The following MACF1 variants were observed in gnomAD, a reference collection of about 807,000 sequenced individuals.
MACF1 encodes microtubule-actin cross-linking factor 1.
In MACF1, 193 loss-of-function variants were observed where a neutral mutation model predicts 854.8. The observed-to-expected ratio is 0.23, with a 90% CI of 0.20 to 0.25. The LOEUF (loss-of-function observed/expected upper bound fraction) is 0.25. Among genes scored for constraint, MACF1 ranks in the 10% least tolerant of loss-of-function variants. MACF1 has a pLI of 1.00. For missense variants in MACF1, 7,722 were observed against 8,929.1 expected (o/e 0.86, Z 5.45); for synonymous variants, 3,185 against 3,226.7 (o/e 0.99, Z 0.44).
chr1:39,466,675 G>A (rs891697526), intron 95 of MACF1, among the ~76,000 whole-genome samples: 1 of 152,156 alleles, frequency 6.6e-6, no homozygotes, highest in African/African-American at 2.4e-5. Flanking sequence ...ATTTTCACTT[G>A]TGGGGCCCAG....
rs1234745241 is a variant in MACF1 at position 39,347,050 on chromosome 1, C to T, written c.10655C>T (p.Ser3552Leu). The change falls in exon 41 of 101, where the codon TCA becomes TTA. Residue 3552 changes from serine (S) to leucine (L), a missense_variant. Transcript: ENST00000564288. ...GCTTTTGATATTCAGTTCTTTATCT[C>T]AGAACATGCCCAGGACTTGTCCCCT... ...ALAFDIQFFI[S>L]EHAQDLSPQQ... 6.2e-7 allele frequency: 1 copy of T among 1,614,120 alleles called. No individual in the cohort carries two copies. Among genetic ancestry groups the T allele is most frequent in the Non-Finnish European group, 8.5e-7 (1 of 1,179,980 alleles).
intron 63 of MACF1, among the ~76,000 whole-genome samples, chr1:39,428,725 C>G (rs958260107): frequency 1.3e-5 from 2 of 152,166 alleles, no homozygotes; most frequent in Admixed American, 1.3e-4. Context: ...TCTGTGTCAT[C>G]TTAATAGAAG....
intron 2 of MACF1, among the ~76,000 whole-genome samples, chr1:39,141,577 T>C (rs893472625): frequency 8.5e-5 from 13 of 152,210 alleles, no homozygotes; most frequent in African/African-American, 3.1e-4. Context: ...CTGACGGAGA[T>C]TGAATGAAAT....
At chr1:39,393,342 C>T (rs1254660663) in intron 58 of MACF1, among the ~76,000 whole-genome samples, 3 of 151,538 alleles carry the variant, frequency 2.0e-5, no homozygotes, top group Non-Finnish European at 4.4e-5. Flanking sequence ...CCCTGCTCCC[C>T]GCAAGAACCA....
chr1:39,273,953 G>A (rs866864295), intron 6 of MACF1, among the ~76,000 whole-genome samples: 1 of 152,198 alleles, frequency 6.6e-6, no homozygotes, highest in South Asian at 2.1e-4. Flanking sequence ...TATTTTTTAG[G>A]TGTAACAATA....
intron 2 of MACF1, among the ~76,000 whole-genome samples, chr1:39,118,154 G>A (rs1357039965): frequency 6.6e-6 from 1 of 152,250 alleles, no homozygotes; most frequent in Admixed American, 6.5e-5. Flanking sequence ...GGCTCTTCTG[G>A]TACAGTTATC....
Position 39,430,794 on chromosome 1 carries a change from C to G in MACF1, c.17223C>G (p.Ala5741=). 1.2e-6 allele frequency: 2 copies of G among 1,612,410 alleles called. No homozygotes were observed. The highest frequency in any genetic ancestry group is 1.7e-6 in the Non-Finnish European group (2 of 1,179,986). Residue 5741 remains alanine (A), a synonymous_variant, in exon 66 of 101, where the codon GCC becomes GCG. Coordinates refer to ENST00000564288, the MANE Select transcript of MACF1 (RefSeq NM_001394062.1). ...RALLELVPWR[A]REGLDKLVSD... ...TCTTAGAGCTGGTGCCCTGGAGAGC[C>G]AGAGAAGGGCTGGATAAACTTGTGT... is the stretch of plus-strand genomic sequence containing the variant.
chr1:39,099,090 T>C (rs1571035781), intron 2 of MACF1, among the ~76,000 whole-genome samples: 1 of 152,186 alleles, frequency 6.6e-6, no homozygotes, highest in African/African-American at 2.4e-5. Context: ...AGCAGACAGC[T>C]ACCCTTGCAA....
In MACF1 at chr1:39,258,035, C is replaced by T; in HGVS notation, c.528+7C>T. On this transcript the variant is annotated splice_region_variant and intron_variant, in intron 6 of 100. Transcript: ENST00000564288. ...CATTATTTTGCATTTCCAGGTAGGG[C>T]ATGTGAAGTTTGGAATTCCTGTTGC... 6.2e-7 allele frequency: 1 copy of T among 1,612,488 alleles called. No homozygotes were observed. The highest frequency in any genetic ancestry group is 1.1e-5 in the South Asian group (1 of 91,032).
Position 39,388,045 on chromosome 1 carries a change from A to G in MACF1, c.15203A>G (p.Tyr5068Cys), listed in dbSNP as rs1198379033. 2.5e-6 allele frequency: 4 copies of G among 1,614,044 alleles called. No homozygotes were observed. Among genetic ancestry groups the G allele is most frequent in the African/African-American group, 1.3e-5 (1 of 74,912 alleles). ...CAGGCCCTAGAGCCTCAGGTAGACT[A>G]TCTGAGGAACTTTACTCAGGGTCTG... ...VLQALEPQVD[Y>C]LRNFTQGLVE... Residue 5068 changes from tyrosine (Y) to cysteine (C), a missense_variant, in exon 58 of 101, where the codon TAT (tyrosine) becomes TGT (cysteine). Transcript: ENST00000564288.
At chr1:39,198,722 G>A (rs1038362465) in intron 2 of MACF1, among the ~76,000 whole-genome samples, 5 of 151,988 alleles carry the variant, frequency 3.3e-5, no homozygotes, top group African/African-American at 1.2e-4. Flanking sequence ...CTACTGGGGA[G>A]GCTGAGGCAG....
At chr1:39,091,476 G>A (rs1641800142) in intron 2 of MACF1, among the ~76,000 whole-genome samples, 1 of 152,130 alleles carries the variant, frequency 6.6e-6, no homozygotes, top group Non-Finnish European at 1.5e-5. Context: ...GCTTGGCCCA[G>A]TACCTGCTAT....
chr1:39,255,403 A>C (rs572133909), intron 5 of MACF1, among the ~76,000 whole-genome samples: 1 of 152,246 alleles, frequency 6.6e-6, no homozygotes, highest in Non-Finnish European at 1.5e-5. Flanking sequence ...CAAAGAGTTC[A>C]TCTGCTTAGA....
chr1:39,471,161 G>C (rs149246203), intron 97 of MACF1, among the ~76,000 whole-genome samples: 1 of 152,044 alleles, frequency 6.6e-6, no homozygotes, highest in Non-Finnish European at 1.5e-5. Context: ...TTTAAATTTC[G>C]TAACTCTGTC....
chr1:39,235,309 G>A (rs981944373), intron 2 of MACF1, among the ~76,000 whole-genome samples: 1 of 152,256 alleles, frequency 6.6e-6, no homozygotes, highest in Non-Finnish European at 1.5e-5. Flanking sequence ...CTGGAGACTG[G>A]CCTGGCCAAC....
Position 39,439,340 on chromosome 1 carries a change from G to T in MACF1, c.18287G>T (p.Arg6096Leu). The change falls in exon 72 of 101, where the codon CGA (arginine) becomes CTA (leucine). Residue 6096 changes from arginine (R) to leucine (L), a missense_variant. Arg to Leu is a moderately radical substitution (Grantham distance 102). Transcript: ENST00000564288. Reference sequence around the variant, plus strand: ...GACATCAAAGCTCGGGCTGAAGAACGAGAAATCAAATTTCTTGATGTCCTT... The same window carrying T: ...GACATCAAAGCTCGGGCTGAAGAACTAGAAATCAAATTTCTTGATGTCCTT... The part of the protein sequence containing the change: ...WEDIKARAEE[R>L]EIKFLDVLEL... 1 of 1,613,944 alleles carries T rather than the reference G, an allele frequency of 6.2e-7. No individual in the cohort carries two copies. The highest frequency in any genetic ancestry group is 8.5e-7 in the Non-Finnish European group (1 of 1,179,944).
Position 39,483,098 on chromosome 1 carries a change from AAAAAAAAAAAAAAAC to A in MACF1, c.22282-1501_22282-1487del, listed in dbSNP as rs755938293. Among the ~76,000 whole-genome samples the A allele has an allele frequency of 3.4e-5, 5 of 147,302 alleles. 1 individual carries two copies. Among genetic ancestry groups the A allele is most frequent in the African/African-American group, 7.5e-5 (3 of 40,138 alleles). On this transcript the variant is annotated intron_variant, in intron 99 of 100. Coordinates refer to ENST00000564288, the MANE Select transcript of MACF1 (RefSeq NM_001394062.1). ...CAAGACTCTGTCTCAAAAAAAAAAA[AAAAAAAAAAAAAAAC>A]ACCCACACATTTAAAATACTCTTTT...
At chr1:39,477,132 A>ACACACAGTG (rs1278864436) in intron 97 of MACF1, among the ~76,000 whole-genome samples, 5 of 17,168 alleles carry the variant, frequency 2.9e-4, no homozygotes, top group Non-Finnish European at 8.1e-4. Context: ...ATATATATAT[A>ACACACAGTG]TATACACACA....
chr1:39,411,513 G>A (rs1363845328), intron 58 of MACF1: 2 of 1,613,728 alleles, frequency 1.2e-6, no homozygotes, highest in Non-Finnish European at 1.7e-6. Flanking sequence ...ATATACCCCT[G>A]GATTGCGATT....
Sources: gnomAD v4.1 joint callset for allele counts (sites outside exome capture counted in the v4.1 genomes callset) on GRCh38, gnomAD v4.1.1 for gene constraint, MANE v1.5 for transcripts, NCBI Gene and HGNC (gene_info 2026-07-23, HGNC 2026-07-21) for gene names.